CLCA2: variants seen among roughly 807,000 people sequenced by gnomAD.
CLCA2 encodes the protein chloride channel accessory 2.
In CLCA2, 85 loss-of-function variants were observed where a neutral mutation model predicts 82.9. The observed-to-expected ratio is 1.03, with a 90% confidence interval of 0.86 to 1.23. The LOEUF (loss-of-function observed/expected upper bound fraction) is 1.23. Ranked by LOEUF, CLCA2 falls within the 50% of genes most tolerant of loss-of-function variation. The pLI is 0.00. For missense variants in CLCA2, 1,089 were observed against 1,124.8 expected (o/e 0.97, Z 0.45); for synonymous variants, 421 against 391.7 (o/e 1.07, Z -0.88).
chr1:86,451,282 G>A (rs1357878595), intron 12 of CLCA2, among the ~76,000 whole-genome samples: 1 of 152,144 alleles, frequency 6.6e-6, no homozygotes, highest in Non-Finnish European at 1.5e-5. Context: ...AATAGTTCCT[G>A]ATAGGAAGCG....
At chr1:86,434,268 T>A (rs1224979047) in intron 5 of CLCA2, among the ~76,000 whole-genome samples, 2 of 152,178 alleles carry the variant, frequency 1.3e-5, no homozygotes, top group African/African-American at 4.8e-5. Flanking sequence ...CATGGTTTGT[T>A]ATCTAATACC....
intron 11 of CLCA2, chr1:86,448,041 C>T: frequency 2.1e-6 from 1 of 473,594 alleles, no homozygotes; most frequent in Non-Finnish European, 3.8e-6. Flanking sequence ...TTGGTCCTGG[C>T]TTCCACTTGC....
chr1:86,444,236 A>G (rs1470495798), intron 10 of CLCA2, among the ~76,000 whole-genome samples: 3 of 152,220 alleles, frequency 2.0e-5, no homozygotes, highest in African/African-American at 7.2e-5. Flanking sequence ...AACACTGAAA[A>G]TTAGTATTTC....
intron 6 of CLCA2, 136 bp downstream of exon 6, chr1:86,434,881 G>C: frequency 1.4e-6 from 1 of 711,538 alleles, no homozygotes; most frequent in Non-Finnish European, 2.4e-6. Flanking sequence ...ATGTGCCATA[G>C]TGGTTGCTGC....
Position 86,428,505 on chromosome 1 carries a change from T to C in CLCA2, c.412T>C (p.Tyr138His), listed in dbSNP as rs543194239. 1.2e-5 allele frequency: 20 copies of C among 1,613,718 alleles called. No individual in the cohort carries two copies. The highest frequency in any genetic ancestry group is 8.8e-5 in the South Asian group (8 of 91,050). Residue 138 changes from tyrosine (Y) to histidine (H), a missense_variant, in exon 3 of 14, where the codon TAC becomes CAC. Tyr to His is a moderately conservative substitution (Grantham distance 83, BLOSUM62 2). Transcript: ENST00000370565. ...CAGAGGGTGTGGAAAAGAGGGAAAA[T>C]ACATTCATTTCACACCTAATTTCCT... is the stretch of plus-strand genomic sequence containing the variant. ...QYRGCGKEGK[Y>H]IHFTPNFLLN...
At chr1:86,454,732 C>T (rs571583609) in intron 13 of CLCA2, among the ~76,000 whole-genome samples, 73 of 152,182 alleles carry the variant, frequency 4.8e-4, no homozygotes, top group Non-Finnish European at 7.9e-4. Context: ...TCATAGGTTA[C>T]AGTGAGCCAA....
At chr1:86,436,027 T>G (rs1662603202) in intron 6 of CLCA2, among the ~76,000 whole-genome samples, 1 of 152,198 alleles carries the variant, frequency 6.6e-6, no homozygotes, top group Admixed American at 6.5e-5. Context: ...AATATAGCAA[T>G]GCTCATTTGT....
chr1:86,453,406 C>G lies in CLCA2; in HGVS notation c.2193C>G (p.Gly731=), dbSNP rs761147442. 6.2e-7 allele frequency: 1 copy of G among 1,613,992 alleles called. No individual in the cohort carries two copies. The highest frequency in any genetic ancestry group is 8.5e-7 in the Non-Finnish European group (1 of 1,179,978). The part of the protein sequence containing the change: ...IQMNAPRKSV[G]RNEEERKWGF... ...TGAATGCTCCAAGGAAATCAGTAGG[C>G]AGAAATGAGGAGGAGCGAAAGTGGG... is the stretch of plus-strand genomic sequence containing the variant. The change falls in exon 13 of 14, where the codon GGC becomes GGG. Residue 731 remains glycine, a synonymous_variant. Coordinates refer to ENST00000370565, the MANE Select transcript of CLCA2 (RefSeq NM_006536.7).
In CLCA2 at chr1:86,455,216, C is replaced by T; in HGVS notation, c.2521C>T (p.Pro841Ser). The change falls in exon 14 of 14, where the codon CCC becomes TCC. Residue 841 changes from proline to serine, a missense_variant. Coordinates refer to ENST00000370565, the MANE Select transcript of CLCA2 (RefSeq NM_006536.7). ...CATCAGGGAGATATTTACGTTCTCA[C>T]CCCAAATTTCCACGAATGGACCTGA... ...AGIREIFTFS[P>S]QISTNGPEHQ... 1 of 1,614,066 alleles carries T rather than the reference C, an allele frequency of 6.2e-7. No homozygotes were observed.
rs376558690 is a variant in CLCA2 at position 86,450,598 on chromosome 1, A to C, written c.2020A>C (p.Arg674=). The C allele has an allele frequency of 3.0e-5, 49 of 1,612,930 alleles. No homozygotes were observed. The highest frequency in any genetic ancestry group is 1.6e-4 in the Middle Eastern group (1 of 6,076). The part of the protein sequence containing the change: ...DVIKNDGIYS[R]YFFSFAANGR... The stretch of plus-strand genomic sequence containing the variant: ...TATAAAAAATGATGGAATTTACTCG[A>C]GGTATTTTTTCTCCTTTGCTGCAAA... Residue 674 remains arginine (R), a synonymous_variant, in exon 12 of 14, where the codon AGG becomes CGG. Coordinates refer to ENST00000370565, the MANE Select transcript of CLCA2 (RefSeq NM_006536.7).
rs569166183 is a variant in CLCA2 at position 86,449,900 on chromosome 1, A to G, written c.1985-663A>G. 5.9e-5 allele frequency among the ~76,000 whole-genome samples: 9 copies of G among 152,296 alleles called. No individual in the cohort carries two copies. In the East Asian group the frequency reaches 1.2e-3, roughly 20 times the overall value. ...TGAACTGCTCTCTGAAGATCAATTT[A>G]AAAAGAAGGAAGTACATCACTGGCT... On this transcript the variant is annotated intron_variant, in intron 11 of 13. Coordinates refer to ENST00000370565, the MANE Select transcript of CLCA2 (RefSeq NM_006536.7).
intron 3 of CLCA2, among the ~76,000 whole-genome samples, chr1:86,430,043 T>C (rs1009583752): frequency 4.6e-5 from 7 of 152,064 alleles, no homozygotes; most frequent in African/African-American, 1.7e-4. Flanking sequence ...AATTACACAA[T>C]ATGCCACAGC....
chr1:86,438,734 T>C (rs772093519), intron 6 of CLCA2, 142 bp from the exon 7 acceptor site: 15 of 669,964 alleles, frequency 2.2e-5, no homozygotes, highest in Non-Finnish European at 3.5e-5. Context: ...ATTCTAATAT[T>C]ATGTTACTCT....
chr1:86,445,319 C>T (rs1270368256), intron 10 of CLCA2: 3 of 151,040 alleles, frequency 2.0e-5, no homozygotes, highest in Non-Finnish European at 1.5e-5. Context: ...TGTTCAAAAC[C>T]TCCTTGGTGG....
At chr1:86,446,246 G>A (rs1268484413) in intron 10 of CLCA2, among the ~76,000 whole-genome samples, 6 of 135,608 alleles carry the variant, frequency 4.4e-5, no homozygotes, top group Non-Finnish European at 9.2e-5. Context: ...TTTTGATGGA[G>A]TCTCGCTCTG....
Position 86,432,518 on chromosome 1 carries a change from G to A in CLCA2, c.734G>A (p.Ser245Asn), listed in dbSNP as rs1443226325. The A allele has an allele frequency of 1.9e-6, 3 of 1,613,616 alleles. No individual in the cohort carries two copies. The highest frequency in any genetic ancestry group is 2.5e-6 in the Non-Finnish European group (3 of 1,179,846). The change falls in exon 5 of 14, where the codon AGT becomes AAT. Residue 245 changes from serine (S) to asparagine (N), a missense_variant. Transcript: ENST00000370565. ...ACTGCATCAATAATGTTCATGCAAA[G>A]TTTATCTTCTGTAAGTATGCCCTTG... ...NATASIMFMQSLSSVVEFCNA... is the reference protein window; with the variant it reads ...NATASIMFMQNLSSVVEFCNA...
chr1:86,436,109 C>T (rs2101697780), intron 6 of CLCA2, among the ~76,000 whole-genome samples: 1 of 152,264 alleles, frequency 6.6e-6, no homozygotes, highest in Non-Finnish European at 1.5e-5. Context: ...AACTTAATGG[C>T]CAGCAAAGCC....
rs984820183 is a variant in CLCA2 at position 86,456,332 on chromosome 1, G to T, written c.*805G>T. ...TTTATTCAATTAAACCAAAGAAGAG[G>T]TCAGCAGGGAGATACTAACCTTTGG... On this transcript the variant is annotated 3_prime_UTR_variant, in exon 14 of 14. Transcript: ENST00000370565. 3 of 152,132 alleles carry T rather than the reference G, an allele frequency of 2.0e-5. No homozygotes were observed. Among genetic ancestry groups the T allele is most frequent in the Non-Finnish European group, 2.9e-5 (2 of 68,040 alleles). 9.4% of individuals were successfully genotyped at this position (152,132 alleles called of 1,614,324 possible).
chr1:86,432,080 T>C (rs11161819), intron 4 of CLCA2, among the ~76,000 whole-genome samples: 83,969 of 151,494 alleles, frequency 0.55, 23,941 homozygotes, highest in Non-Finnish European at 0.63. Context: ...GGATTACAGG[T>C]GCCCAACACC....
Sources: allele counts gnomAD v4.1 joint callset (sites outside exome capture counted in the v4.1 genomes callset), GRCh38; gene constraint gnomAD v4.1.1; transcripts MANE v1.5; gene names NCBI Gene and HGNC (gene_info 2026-07-23, HGNC 2026-07-21).